The following GLRA2 variants were observed in gnomAD, a reference collection of about 807,000 sequenced individuals.
GLRA2 encodes the protein glycine receptor alpha 2.
Under a neutral mutation model 31.6 loss-of-function variants are expected in GLRA2, and 11 were observed. The ratio of observed to expected loss-of-function variants is 0.35; its 90% CI spans 0.22 to 0.58. The LOEUF is 0.58. Ranked by LOEUF, GLRA2 falls within the 20% of genes least tolerant of loss-of-function variation. GLRA2 has a pLI of 0.84. For synonymous variants in GLRA2, 132 were observed against 134.0 expected, an observed-to-expected ratio of 0.99 and a Z score of 0.10; for missense variants, 212 against 351.8, an observed-to-expected ratio of 0.60 and a Z score of 3.18.
At chrX:14,627,051 A>C (rs1212991452) in intron 7 of GLRA2, among the ~76,000 whole-genome samples, 2 of 111,297 alleles carry the variant, frequency 1.8e-5, no homozygotes, top group African/African-American at 6.5e-5. Flanking sequence ...TGACCTGGGT[A>C]GTGGTTACAT....
At chrX:14,613,524 C>T (rs982790056) in intron 7 of GLRA2, among the ~76,000 whole-genome samples, 1 of 111,674 alleles carries the variant, frequency 9.0e-6, no homozygotes, top group African/African-American at 3.3e-5. Context: ...AACAACTATA[C>T]AATATTTGCA....
intron 7 of GLRA2, among the ~76,000 whole-genome samples, chrX:14,660,622 T>G (rs1569517946): frequency 9.0e-6 from 1 of 111,686 alleles, no homozygotes; most frequent in East Asian, 2.8e-4. Flanking sequence ...ATTGAAGTTA[T>G]CAAAGCGAGA....
intron 7 of GLRA2, among the ~76,000 whole-genome samples, chrX:14,647,784 G>A (rs1450673156): frequency 8.9e-6 from 1 of 112,250 alleles, no homozygotes. Context: ...AGGGAGAAAT[G>A]AAGTAGAGAG....
At chrX:14,618,398 A>T (rs1489496699) in intron 7 of GLRA2, among the ~76,000 whole-genome samples, 3 of 111,895 alleles carry the variant, frequency 2.7e-5, no homozygotes, top group Non-Finnish European at 5.6e-5. Flanking sequence ...CATGCATGAT[A>T]ATGTAGTCAT....
At chrX:14,537,829 G>T (rs2089346109) in intron 2 of GLRA2, among the ~76,000 whole-genome samples, 2 of 109,454 alleles carry the variant, frequency 1.8e-5, no homozygotes, top group South Asian at 8.1e-4. Context: ...TTTCCTTATT[G>T]AAAGGAAAGG....
chrX:14,634,880 C>G (rs1249989742), intron 7 of GLRA2, among the ~76,000 whole-genome samples: 1 of 112,258 alleles, frequency 8.9e-6, no homozygotes, highest in Non-Finnish European at 1.9e-5. Context: ...TTAGCAGCCA[C>G]TTGAAATACA....
At chrX:14,636,605 A>G (rs2889114) in intron 7 of GLRA2, among the ~76,000 whole-genome samples, 32,140 of 109,950 alleles carry the variant, frequency 0.29, 3,796 homozygotes, top group African/African-American at 0.41. Context: ...AGAGAATGAT[A>G]ACTAAATGTA....
chrX:14,531,376 C>T (rs191137316), intron 1 of GLRA2, among the ~76,000 whole-genome samples: 1 of 111,459 alleles, frequency 9.0e-6, no homozygotes, highest in Non-Finnish European at 1.9e-5. Flanking sequence ...GAAGAAATTT[C>T]AGTTAACCAC....
intron 2 of GLRA2, among the ~76,000 whole-genome samples, chrX:14,536,935 T>C (rs953157310): frequency 9.0e-6 from 1 of 111,690 alleles, no homozygotes; most frequent in African/African-American, 3.2e-5. Flanking sequence ...TTTTGAGACA[T>C]TATCTTTTAA....
At chrX:14,467,317 C>G in the GLRA2 span, among the ~76,000 whole-genome samples, 5 of 111,849 alleles carry the variant, frequency 4.5e-5, no homozygotes, top group Non-Finnish European at 9.4e-5. Flanking sequence ...CCACAGGGAT[C>G]GTGTTAAAAT....
intron 7 of GLRA2, among the ~76,000 whole-genome samples, chrX:14,655,218 A>G (rs2090928036): frequency 8.9e-6 from 1 of 111,969 alleles, no homozygotes; most frequent in Non-Finnish European, 1.9e-5. Context: ...GAAGTAAGTG[A>G]TTACTTGGGT....
the GLRA2 span, among the ~76,000 whole-genome samples, chrX:14,493,614 CAT>C: frequency 2.0e-4 from 20 of 97,599 alleles, no homozygotes; most frequent in South Asian, 4.2e-4. Context: ...CACATATACA[CAT>C]ATATACACAT....
At chrX:14,530,693 A>G (rs528039729) in intron 1 of GLRA2, among the ~76,000 whole-genome samples, 26 of 112,111 alleles carry the variant, frequency 2.3e-4, no homozygotes, top group African/African-American at 8.4e-4. Flanking sequence ...ACCAAAATTT[A>G]GTTAATATGA....
intron 8 of GLRA2, among the ~76,000 whole-genome samples, chrX:14,724,933 A>T (rs1475639704): frequency 9.0e-6 from 1 of 111,408 alleles, no homozygotes; most frequent in Non-Finnish European, 1.9e-5. Flanking sequence ...CTTGAATGGA[A>T]GCCATTTGGG....
At chrX:14,655,255 C>T (rs1237115598) in intron 7 of GLRA2, among the ~76,000 whole-genome samples, 2 of 111,576 alleles carry the variant, frequency 1.8e-5, no homozygotes, top group Non-Finnish European at 3.8e-5. Context: ...AAATTTCATT[C>T]TGCAAATATG....
Position 14,704,702 on chromosome X carries a change from C to T in GLRA2, c.1080+13843C>T, listed in dbSNP as rs138005029. On this transcript the variant is annotated intron_variant, in intron 8 of 8. Coordinates refer to ENST00000218075, the MANE Select transcript of GLRA2 (RefSeq NM_002063.4). ...CTGTGCAGGAGTGGGTAAAAGGAAA[C>T]GACCCCTGCCTTCTTAGTTTTCATT... Among the ~76,000 whole-genome samples the T allele has an allele frequency of 7.4e-3, 826 of 111,561 alleles. 9 individuals are homozygous for T. The highest frequency in any genetic ancestry group is 0.024 in the African/African-American group (739 of 30,686).
intron 2 of GLRA2, among the ~76,000 whole-genome samples, chrX:14,554,287 G>A (rs749933930): frequency 8.9e-6 from 1 of 111,827 alleles, no homozygotes; most frequent in African/African-American, 3.2e-5. Flanking sequence ...TGCTGACATA[G>A]AAAACCTGTT....
At chrX:14,682,725 G>C (rs1411289476) in intron 7 of GLRA2, among the ~76,000 whole-genome samples, 1 of 78,048 alleles carries the variant, frequency 1.3e-5, no homozygotes, top group Admixed American at 1.6e-4. Flanking sequence ...GACAGGCCCC[G>C]GTGTGTGATG....
At chrX:14,682,787 G>A (rs1327725987) in intron 7 of GLRA2, among the ~76,000 whole-genome samples, 2 of 105,042 alleles carry the variant, frequency 1.9e-5, no homozygotes, top group Admixed American at 2.1e-4. Context: ...ACCTATGAGT[G>A]AGAATATGCG....
Sources: allele counts gnomAD v4.1 joint callset (sites outside exome capture counted in the v4.1 genomes callset), GRCh38; gene constraint gnomAD v4.1.1; transcripts MANE v1.5; gene names NCBI Gene and HGNC (gene_info 2026-07-23, HGNC 2026-07-21).